ALDH18A1: variants seen among roughly 807,000 people sequenced by gnomAD.
ALDH18A1 encodes the protein delta-1-pyrroline-5-carboxylate synthase.
Under a neutral mutation model 88.8 loss-of-function variants are expected in ALDH18A1, and 44 were observed. That is an observed-to-expected ratio of 0.50 (90% CI 0.39 to 0.64). The LOEUF is 0.64. Among genes scored for constraint, ALDH18A1 ranks in the 30% least tolerant of loss-of-function variants. ALDH18A1 has a pLI of 0.00. For missense variants in ALDH18A1, 782 were observed against 1,009.5 expected (o/e 0.77, Z 3.05); for synonymous variants, 331 against 372.1 (o/e 0.89, Z 1.27).
rs200183723 is a variant in ALDH18A1, at chr10:95,637,097, G to A, written c.554C>T (p.Ala185Val). The A allele has an allele frequency of 6.2e-7, 1 of 1,613,818 alleles. No individual in the cohort carries two copies. Among genetic ancestry groups the A allele is most frequent in the Non-Finnish European group, 8.5e-7 (1 of 1,179,826 alleles). The stretch of plus-strand genomic sequence containing the variant: ...TTTCAAAGCCCAGCCTCTCACCTGG[G>A]CAGCACAGATGCTGTACTGGGTAAA... ...AMFTQYSICAAQILVTNLDFH... is the reference protein window; with the variant it reads ...AMFTQYSICAVQILVTNLDFH... The change falls in exon 5 of 18, where the codon GCC becomes GTC. Residue 185 changes from alanine to valine, a missense_variant. Ala to Val is a moderately conservative substitution (Grantham distance 64, BLOSUM62 0). Coordinates refer to ENST00000371224, the MANE Select transcript of ALDH18A1 (RefSeq NM_002860.4).
At chr10:95,633,378 T>G in intron 6 of ALDH18A1, 113 bp downstream of exon 6, 1 of 1,375,720 alleles carries the variant, frequency 7.3e-7, no homozygotes, top group South Asian at 1.3e-5. Context: ...CATGACAAGT[T>G]TCTCTCACAA....
rs777680520 is a variant in ALDH18A1, at chr10:95,637,276, G to A, written c.453+11C>T. 6.2e-7 allele frequency: 1 copy of A among 1,614,212 alleles called. No individual in the cohort carries two copies. The highest frequency in any genetic ancestry group is 1.1e-5 in the South Asian group (1 of 91,084). ...AAGATCCATTTCAATGTGTGGGGAA[G>A]CAGCACTCACCATTTCTTTCAGCTG... is the stretch of plus-strand genomic sequence containing the variant. On this transcript the variant is annotated intron_variant, in intron 4 of 17. Coordinates refer to ENST00000371224, the MANE Select transcript of ALDH18A1 (RefSeq NM_002860.4).
intron 2 of ALDH18A1, among the ~76,000 whole-genome samples, chr10:95,648,207 C>A (rs1386818614): frequency 6.6e-6 from 1 of 152,066 alleles, no homozygotes; most frequent in Non-Finnish European, 1.5e-5. Context: ...TGGAGGATAC[C>A]CAACTGATGT....
At position 95,627,474 on chromosome 10, in the gene ALDH18A1, A is replaced by C; in HGVS notation, c.1046T>G (p.Val349Gly). The C allele has an allele frequency of 6.2e-7, 1 of 1,614,140 alleles. No homozygotes were observed. The highest frequency in any genetic ancestry group is 8.5e-7 in the Non-Finnish European group (1 of 1,179,990). The part of the protein sequence containing the change: ...VITDIVEGKK[V>G]GTFFSEVKPA... ...CTTTACTTCTGAAAAGAAGGTACCA[A>C]CTTTCTTCCCCTCCACAATGTCTGT... The change falls in exon 9 of 18, where the codon GTT becomes GGT. Residue 349 changes from valine (V) to glycine (G), a missense_variant. Val to Gly is a moderately radical substitution (Grantham distance 109, BLOSUM62 -3). Transcript: ENST00000371224.
intron 2 of ALDH18A1, among the ~76,000 whole-genome samples, chr10:95,651,187 T>C (rs1209531928): frequency 2.0e-5 from 3 of 151,986 alleles, no homozygotes; most frequent in Non-Finnish European, 4.4e-5. Flanking sequence ...AACATTTCAC[T>C]GAAGAGGATA....
chr10:95,611,580 T>C, intron 15 of ALDH18A1, 138 bp from the exon 16 acceptor site: 1 of 914,788 alleles, frequency 1.1e-6, no homozygotes, highest in Non-Finnish European at 1.8e-6. Flanking sequence ...CTAGTCCTAC[T>C]TTCCTCCCTC....
chr10:95,643,347 G>A (rs2139643211), intron 2 of ALDH18A1, 141 bp from the exon 3 acceptor site: 1 of 871,646 alleles, frequency 1.1e-6, no homozygotes, highest in Non-Finnish European at 1.8e-6. Flanking sequence ...CTAGCACAGT[G>A]TATCAAAAGC....
At chr10:95,626,641 T>TACAGGA in intron 10 of ALDH18A1, 62 bp downstream of exon 10, 1 of 1,536,546 alleles carries the variant, frequency 6.5e-7, no homozygotes, top group Non-Finnish European at 9.0e-7. Context: ...GTTTGACTCC[T>TACAGGA]GTAACTACAC....
intron 3 of ALDH18A1, 83 bp from the exon 4 acceptor site, chr10:95,637,519 C>A: frequency 6.5e-7 from 1 of 1,535,760 alleles, no homozygotes; most frequent in Non-Finnish European, 8.9e-7. Flanking sequence ...GTAGGGTGGG[C>A]TATCGAGTAG....
chr10:95,621,150 T>G lies in ALDH18A1; in HGVS notation c.1348A>C (p.Ser450Arg). 6.2e-7 allele frequency: 1 copy of G among 1,614,066 alleles called. No homozygotes were observed. Among genetic ancestry groups the G allele is most frequent in the Non-Finnish European group, 8.5e-7 (1 of 1,180,024 alleles). ...GTGCGGCGCAAAACACGTCCCACGC[T>G]GTCCTGGGAGGAGGCTGCGATCTGT... ...LRQIAASSQD[S>R]VGRVLRRTRI... The change falls in exon 12 of 18, where the codon AGC becomes CGC. Residue 450 changes from serine to arginine, a missense_variant. This residue lies in a region of ALDH18A1 where 556 missense variants were observed against 654.5 expected (regional missense o/e 0.85). Transcript: ENST00000371224.
intron 1 of ALDH18A1, among the ~76,000 whole-genome samples, chr10:95,654,804 A>C (rs12267876): frequency 0.34 from 52,002 of 151,280 alleles, 9,577 homozygotes; most frequent in East Asian, 0.7. Context: ...CTGCTTATAT[A>C]AATTCCTTCA....
Position 95,625,472 on chromosome 10 carries a change from C to T in ALDH18A1, c.1153-17G>A, listed in dbSNP as rs138114468. Reference sequence around the variant, plus strand: ...TTCTGCTCTCTAGAAGAAAGGTACACCATTAAAAAAACAGAGATGTTAATC... The same window carrying T: ...TTCTGCTCTCTAGAAGAAAGGTACATCATTAAAAAAACAGAGATGTTAATC... On this transcript the variant is annotated splice_polypyrimidine_tract_variant and intron_variant, in intron 10 of 17. Coordinates refer to ENST00000371224, the MANE Select transcript of ALDH18A1 (RefSeq NM_002860.4). 1 of 1,604,232 alleles carries T rather than the reference C, an allele frequency of 6.2e-7. No homozygotes were observed. The highest frequency in any genetic ancestry group is 1.3e-5 in the African/African-American group (1 of 74,728).
Position 95,649,038 on chromosome 10 carries a change from GGCAAGTCATCTT to G in ALDH18A1, c.88+4240_88+4251del, listed in dbSNP as rs377322895. 5.4e-3 allele frequency among the ~76,000 whole-genome samples: 818 copies of G among 152,250 alleles called. 7 individuals carry two copies. Among genetic ancestry groups the G allele is most frequent in the African/African-American group, 0.019 (770 of 41,542 alleles). ...TAATGACAAGCTTGATTAGTTGATTGGCAAGTCATCTTGCAATGAAGCTTGGAAATGGACTAC... is the reference window on the plus strand; with the variant it reads ...TAATGACAAGCTTGATTAGTTGATTGGCAATGAAGCTTGGAAATGGACTAC... On this transcript the variant is annotated intron_variant, in intron 2 of 17. Coordinates refer to ENST00000371224, the MANE Select transcript of ALDH18A1 (RefSeq NM_002860.4).
At chr10:95,630,988 G>C (rs17111056) in intron 7 of ALDH18A1, among the ~76,000 whole-genome samples, 3 of 152,140 alleles carry the variant, frequency 2.0e-5, no homozygotes. Flanking sequence ...CTGCTTGAGC[G>C]TAAAACAGAG....
Position 95,621,254 on chromosome 10 carries a change from G to A in ALDH18A1, c.1247-3C>T. 6.2e-7 allele frequency: 1 copy of A among 1,609,508 alleles called. No individual in the cohort carries two copies. The highest frequency in any genetic ancestry group is 8.5e-7 in the Non-Finnish European group (1 of 1,177,966). ...CAGCAGAGGAGCTGCAAGTCTCCCT[G>A]AAAAGCCATTAAGAGGATATGATAA... On this transcript the variant is annotated splice_region_variant and splice_polypyrimidine_tract_variant and intron_variant, in intron 11 of 17. Coordinates refer to ENST00000371224, the MANE Select transcript of ALDH18A1 (RefSeq NM_002860.4).
At chr10:95,612,896 T>G (rs1210436412) in intron 15 of ALDH18A1, among the ~76,000 whole-genome samples, 1 of 152,232 alleles carries the variant, frequency 6.6e-6, no homozygotes, top group African/African-American at 2.4e-5. Context: ...GTTTCATTTT[T>G]AAAACAATTC....
At chr10:95,650,023 A>G (rs1309065418) in intron 2 of ALDH18A1, among the ~76,000 whole-genome samples, 1 of 152,100 alleles carries the variant, frequency 6.6e-6, no homozygotes, top group Non-Finnish European at 1.5e-5. Flanking sequence ...TCGTGCCACT[A>G]TGCTCTAGCC....
chr10:95,630,713 G>C (rs931273668), intron 7 of ALDH18A1, among the ~76,000 whole-genome samples: 6 of 151,978 alleles, frequency 3.9e-5, no homozygotes, highest in African/African-American at 7.3e-5. Flanking sequence ...TCCATCTCAG[G>C]GGGGTGGGGA....
At chr10:95,643,862 G>A (rs769047980) in intron 2 of ALDH18A1, among the ~76,000 whole-genome samples, 3 of 152,034 alleles carry the variant, frequency 2.0e-5, no homozygotes, top group African/African-American at 4.8e-5. Context: ...GGAAAAAGCC[G>A]GCCAGGCATG....
Sources: allele counts gnomAD v4.1 joint callset (sites outside exome capture counted in the v4.1 genomes callset), GRCh38; gene constraint gnomAD v4.1.1; regional missense constraint gnomAD v4.1.1; transcripts MANE v1.5; gene names NCBI Gene and HGNC (gene_info 2026-07-23, HGNC 2026-07-21).